The following STS variants were observed in gnomAD, a reference collection of about 807,000 sequenced individuals.
STS encodes steroid sulfatase.
Under a neutral mutation model 26.8 loss-of-function variants are expected in STS, and 7 were observed. That is an observed-to-expected ratio of 0.26 (90% confidence interval 0.15 to 0.49). The LOEUF (loss-of-function observed/expected upper bound fraction) is 0.49, where lower values mean the gene tolerates loss of function less well. STS is among the 20% of genes least tolerant of loss of function. The pLI is 0.98. For missense variants in STS, 434 were observed against 465.6 expected, an observed-to-expected ratio of 0.93 and a Z score of 0.63; for synonymous variants, 199 against 189.4, an observed-to-expected ratio of 1.05 and a Z score of -0.42.
At chrX:7,310,042 C>G (rs1470114281) in intron 8 of STS, among the ~76,000 whole-genome samples, 1 of 111,880 alleles carries the variant, frequency 8.9e-6, no homozygotes. Context: ...ATTGTGTCAA[C>G]CTAATAAAAC....
At chrX:7,175,500 A>ACAAAG (rs751946850) in intron 1 of STS, among the ~76,000 whole-genome samples, 2,179 of 109,533 alleles carry the variant, frequency 0.02, 64 homozygotes, top group African/African-American at 0.069. Flanking sequence ...TCTCAACAAA[A>ACAAAG]CAAAACAAAA....
In STS at chrX:7,200,843, C is replaced by T. The variant is rs1159673884; in HGVS notation, c.-5+9835C>T. 5.4e-5 allele frequency among the ~76,000 whole-genome samples: 6 copies of T among 111,944 alleles called. 1 individual carries two copies. Among genetic ancestry groups the T allele is most frequent in the Non-Finnish European group, 1.1e-4 (6 of 53,233 alleles). On this transcript the variant is annotated intron_variant, in intron 2 of 10. Coordinates refer to ENST00000674429, the MANE Select transcript of STS (RefSeq NM_001320752.2). ...CCCCTTTCCCCTGTTCACCTGCAAGCCACACATGACCCTCAGCACATATGA... is the reference window on the plus strand; with the variant it reads ...CCCCTTTCCCCTGTTCACCTGCAAGTCACACATGACCCTCAGCACATATGA...
Position 7,213,807 on chromosome X carries a change from G to A in STS, c.-5+22799G>A, listed in dbSNP as rs769703504. Among the ~76,000 whole-genome samples, 7 of 110,977 alleles carry A rather than the reference G, an allele frequency of 6.3e-5. No homozygotes were observed. The South Asian group carries it at 2.3e-3, about 37-fold the overall frequency. ...TTAAAGACTGTTAATCTAGGCTGGCGGTGGTGGCTCACACCTGTAATCATG... is the reference window on the plus strand; with the variant it reads ...TTAAAGACTGTTAATCTAGGCTGGCAGTGGTGGCTCACACCTGTAATCATG... On this transcript the variant is annotated intron_variant, in intron 2 of 10. Transcript: ENST00000674429.
In STS at chrX:7,262,315, A is replaced by G. The variant is rs752128372; in HGVS notation, c.806+2543A>G. ...TCTTGTGGTTCTGTCATCTCAATAGATGGCCTTCCCAGTAGCGTCCACAGG... is the reference window on the plus strand; with the variant it reads ...TCTTGTGGTTCTGTCATCTCAATAGGTGGCCTTCCCAGTAGCGTCCACAGG... On this transcript the variant is annotated intron_variant, in intron 6 of 10. Transcript: ENST00000674429. 7.2e-5 allele frequency among the ~76,000 whole-genome samples: 8 copies of G among 111,383 alleles called. No individual in the cohort carries two copies. In the South Asian group the frequency reaches 3.0e-3, roughly 42 times the overall value.
intron 8 of STS, among the ~76,000 whole-genome samples, chrX:7,323,449 C>T (rs920125546): frequency 2.7e-5 from 3 of 111,157 alleles, no homozygotes; most frequent in Non-Finnish European, 3.8e-5. Flanking sequence ...ATGTTTAGCT[C>T]CCACTTATAA....
chrX:7,315,052 A>G (rs1926650824), intron 8 of STS, among the ~76,000 whole-genome samples: 1 of 112,597 alleles, frequency 8.9e-6, no homozygotes, highest in Non-Finnish European at 1.9e-5. Context: ...AGAAGAGGTT[A>G]GACATAGGAA....
chrX:7,168,019 AGTCAGCTGATTAG>A, intron 1 of STS, among the ~76,000 whole-genome samples: 1 of 111,464 alleles, frequency 9.0e-6, no homozygotes, highest in Middle Eastern at 4.6e-3. Flanking sequence ...ATTAGCACAA[AGTCAGCTGATTAG>A]GCACCTTAAT....
At chrX:7,248,169 A>G (rs1020567193) in intron 2 of STS, among the ~76,000 whole-genome samples, 4 of 112,164 alleles carry the variant, frequency 3.6e-5, no homozygotes, top group Admixed American at 1.9e-4. Flanking sequence ...TGTCTTTGCA[A>G]ACTGTCAATT....
At chrX:7,193,435 G>A (rs1192080815) in intron 2 of STS, among the ~76,000 whole-genome samples, 1 of 103,838 alleles carries the variant, frequency 9.6e-6, no homozygotes, top group Non-Finnish European at 2.0e-5. Flanking sequence ...ATTTTGCAGG[G>A]AAATGCTTTA....
chrX:7,325,554 T>G (rs1238654511), intron 9 of STS, 56 bp downstream of exon 9: 9 of 1,177,827 alleles, frequency 7.6e-6, no homozygotes, highest in East Asian at 3.0e-5. Flanking sequence ...CAGCCCAGTA[T>G]GCTCTGGTTT....
intron 2 of STS, among the ~76,000 whole-genome samples, chrX:7,218,766 C>T (rs1422717331): frequency 4.5e-5 from 5 of 111,939 alleles, no homozygotes; most frequent in African/African-American, 1.3e-4. Flanking sequence ...TCAAAGGGTT[C>T]GGGTGGAATG....
At chrX:7,246,250 A>G (rs867943354) in intron 2 of STS, among the ~76,000 whole-genome samples, 1 of 107,446 alleles carries the variant, frequency 9.3e-6, no homozygotes, top group Non-Finnish European at 1.9e-5. Context: ...AGGAGTTAAG[A>G]TTTGGGAGAG....
chrX:7,323,644 T>A (rs1334068753), intron 8 of STS, among the ~76,000 whole-genome samples: 1 of 112,188 alleles, frequency 8.9e-6, no homozygotes, highest in Non-Finnish European at 1.9e-5. Context: ...CTGGATTAAT[T>A]TCATGTCTGC....
intron 8 of STS, among the ~76,000 whole-genome samples, chrX:7,305,963 C>T (rs947421563): frequency 9.0e-6 from 1 of 111,472 alleles, no homozygotes; most frequent in Admixed American, 9.6e-5. Flanking sequence ...TTTGGGAGAC[C>T]GTTATTCTGC....
At position 7,259,503 on chromosome X, in the gene STS, G is replaced by C. The variant is rs758308023; in HGVS notation, c.537G>C (p.Arg179Ser). Residue 179 changes from arginine to serine, a missense_variant, in exon 6 of 11, where the codon AGG becomes AGC. Arg to Ser is a moderately radical substitution (Grantham distance 110). Around this residue, in one of 2 missense-constraint regions of STS, gnomAD observed 229 missense variants for 288.3 expected, o/e 0.79. Coordinates refer to ENST00000674429, the MANE Select transcript of STS (RefSeq NM_001320752.2). ...GTGTCTTCACCACGGGCTTCAAGAG[G>C]CTGGTCTTCCTCCCCCTGCAGATCG... ...EGSVFTTGFK[R>S]LVFLPLQIVG... 7.4e-6 allele frequency: 9 copies of C among 1,209,958 alleles called. No homozygotes were observed. In the South Asian group the frequency reaches 1.6e-4, roughly 21 times the overall value.
intron 7 of STS, among the ~76,000 whole-genome samples, chrX:7,288,639 CGT>C (rs58375124): frequency 0.066 from 5,908 of 89,408 alleles, 152 homozygotes; most frequent in African/African-American, 0.091. Context: ...AAATTCTGTA[CGT>C]GTGTGTGTGT....
At chrX:7,168,387 T>C (rs1425892555) in intron 1 of STS, among the ~76,000 whole-genome samples, 5 of 112,261 alleles carry the variant, frequency 4.5e-5, no homozygotes, top group Admixed American at 3.8e-4. Flanking sequence ...CATTGATTTA[T>C]ATTTGATGAT....
chrX:7,330,061 T>G (rs1413179301), intron 9 of STS, among the ~76,000 whole-genome samples: 1 of 111,684 alleles, frequency 9.0e-6, no homozygotes, highest in Non-Finnish European at 1.9e-5. Flanking sequence ...TTCAGTGGCA[T>G]GACTTATCAG....
At chrX:7,333,952 T>C (rs1280365878) in intron 9 of STS, 34 bp from the exon 10 acceptor site, 1 of 1,209,272 alleles carries the variant, frequency 8.3e-7, no homozygotes, top group East Asian at 3.0e-5. Flanking sequence ...ACAGGACTGA[T>C]TCACGTCTTG....
Sources: allele counts gnomAD v4.1 joint callset (sites outside exome capture counted in the v4.1 genomes callset), GRCh38; gene constraint gnomAD v4.1.1; regional missense constraint gnomAD v4.1.1; transcripts MANE v1.5; gene names NCBI Gene and HGNC (gene_info 2026-07-23, HGNC 2026-07-21).